Variants in GRAMD2B observed in about 807,000 individuals in gnomAD.
GRAMD2B encodes GRAM domain-containing protein 2B.
A neutral mutation model predicts 59.2 loss-of-function variants in GRAMD2B; 41 were observed. That is an observed-to-expected ratio of 0.69 (90% confidence interval 0.54 to 0.90). The LOEUF is 0.90. GRAMD2B is among the 40% of genes least tolerant of loss of function. The probability of loss-of-function intolerance (pLI) is 0.00; values close to 1 mark genes in which losing one functional copy is unlikely to be tolerated. For missense variants in GRAMD2B, 424 were observed against 500.5 expected, an observed-to-expected ratio of 0.85 and a Z score of 1.46; for synonymous variants, 161 against 182.7, an observed-to-expected ratio of 0.88 and a Z score of 0.96.
At chr5:126,405,120 G>C (rs1758159549) in intron 1 of GRAMD2B, among the ~76,000 whole-genome samples, 1 of 151,828 alleles carries the variant, frequency 6.6e-6, no homozygotes, top group Non-Finnish European at 1.5e-5. Context: ...TCCTGACTAT[G>C]ACTGGGGATG....
At chr5:126,477,451 C>T (rs577644336) in intron 5 of GRAMD2B, among the ~76,000 whole-genome samples, 26 of 152,246 alleles carry the variant, frequency 1.7e-4, no homozygotes, top group African/African-American at 5.8e-4. Context: ...CGTTTCCCAC[C>T]AAGATCTTCA....
intron 13 of GRAMD2B, among the ~76,000 whole-genome samples, chr5:126,490,688 A>T (rs761626816): frequency 1.2e-4 from 18 of 152,208 alleles, no homozygotes; most frequent in Non-Finnish European, 1.9e-4. Context: ...GCAGCTGGGC[A>T]CTAGCGCAGC....
At chr5:126,402,948 T>G (rs957166522) in intron 1 of GRAMD2B, among the ~76,000 whole-genome samples, 30 of 151,972 alleles carry the variant, frequency 2.0e-4, no homozygotes, top group African/African-American at 7.2e-4. Context: ...GATAATTATG[T>G]AGAATGTGAG....
chr5:126,423,501 C>G lies in GRAMD2B; in HGVS notation c.-106C>G, dbSNP rs1036105251. 26 of 1,530,968 alleles carry G rather than the reference C, an allele frequency of 1.7e-5. No homozygotes were observed. In the Admixed American group the frequency reaches 5.5e-4, roughly 32 times the overall value. 94.8% of individuals were successfully genotyped at this position (1,530,968 alleles called of 1,614,324 possible). A position where few individuals can be genotyped will look rare whatever the true frequency, so the allele number is the denominator to read the frequency against. ...GCTGGGCGGAGGGTGCAGGGGAGGGCACGGCGCCGCTTGCTTGGCCTGCGC... is the reference window on the plus strand; with the variant it reads ...GCTGGGCGGAGGGTGCAGGGGAGGGGACGGCGCCGCTTGCTTGGCCTGCGC... On this transcript the variant is annotated 5_prime_UTR_variant, in exon 1 of 14. Coordinates refer to ENST00000285689, the MANE Select transcript of GRAMD2B (RefSeq NM_023927.4).
chr5:126,412,585 CTTTA>C (rs1758906347), intron 1 of GRAMD2B, among the ~76,000 whole-genome samples: 1 of 151,992 alleles, frequency 6.6e-6, no homozygotes, highest in East Asian at 1.9e-4. Flanking sequence ...TTTGTTGTGT[CTTTA>C]CCAGGTTTTG....
chr5:126,362,363 T>C (rs910089572), intron 1 of GRAMD2B, among the ~76,000 whole-genome samples: 2 of 152,222 alleles, frequency 1.3e-5, no homozygotes, highest in African/African-American at 2.4e-5. Flanking sequence ...TAATAGTATA[T>C]GAGCCTTTCA....
At chr5:126,487,595 G>A (rs1773185999) in intron 12 of GRAMD2B, among the ~76,000 whole-genome samples, 1 of 152,180 alleles carries the variant, frequency 6.6e-6, no homozygotes, top group African/African-American at 2.4e-5. Flanking sequence ...GTTAGAAAGT[G>A]TACATTTAGC....
chr5:126,403,516 G>A (rs781550243), intron 1 of GRAMD2B, among the ~76,000 whole-genome samples: 3 of 151,826 alleles, frequency 2.0e-5, no homozygotes, highest in Non-Finnish European at 4.4e-5. Flanking sequence ...TTGAGCACTC[G>A]TAATAGGTAC....
chr5:126,402,484 C>T (rs183049922), intron 1 of GRAMD2B, among the ~76,000 whole-genome samples: 2 of 152,206 alleles, frequency 1.3e-5, no homozygotes, highest in Admixed American at 1.3e-4. Context: ...TGTAATTCTG[C>T]TCTGTCTCTG....
chr5:126,403,383 T>A (rs1757992729), intron 1 of GRAMD2B, among the ~76,000 whole-genome samples: 1 of 152,046 alleles, frequency 6.6e-6, no homozygotes, highest in African/African-American at 2.4e-5. Flanking sequence ...ATATTTGGCA[T>A]CCTAATAATG....
At chr5:126,435,428 A>T (rs902392274) in intron 1 of GRAMD2B, among the ~76,000 whole-genome samples, 2 of 152,154 alleles carry the variant, frequency 1.3e-5, no homozygotes, top group Non-Finnish European at 2.9e-5. Context: ...ATGGGCACTT[A>T]GGGGTCTCCT....
At chr5:126,466,507 C>G (rs2126792666) in intron 2 of GRAMD2B, among the ~76,000 whole-genome samples, 1 of 152,112 alleles carries the variant, frequency 6.6e-6, no homozygotes, top group East Asian at 1.9e-4. Flanking sequence ...CTCACAGCAA[C>G]CTCCGCCTCC....
intron 1 of GRAMD2B, among the ~76,000 whole-genome samples, chr5:126,454,476 G>C (rs13157433): frequency 6.6e-6 from 1 of 152,012 alleles, no homozygotes; most frequent in African/African-American, 2.4e-5. Context: ...AAAAAATCAA[G>C]CTAGTTTGAG....
chr5:126,387,171 A>C (rs1212371657), intron 1 of GRAMD2B, among the ~76,000 whole-genome samples: 2 of 152,104 alleles, frequency 1.3e-5, no homozygotes, highest in Non-Finnish European at 2.9e-5. Context: ...TGATGACCTT[A>C]AGTAAACATG....
intron 1 of GRAMD2B, among the ~76,000 whole-genome samples, chr5:126,397,044 T>C (rs957643324): frequency 6.6e-6 from 1 of 152,194 alleles, no homozygotes. Context: ...GTTTGTTTCT[T>C]GTAAATTTAA....
At chr5:126,422,838 AT>A (rs1336954844), upstream of GRAMD2B, among the ~76,000 whole-genome samples, 1 of 152,084 alleles carries the variant, frequency 6.6e-6, no homozygotes, top group Non-Finnish European at 1.5e-5. Flanking sequence ...TCAAACACCA[AT>A]TTTGATTTTG....
intron 13 of GRAMD2B, among the ~76,000 whole-genome samples, 191 bp from the exon 14 acceptor site, chr5:126,492,724 C>G (rs1774171628): frequency 6.6e-6 from 1 of 151,940 alleles, no homozygotes; most frequent in African/African-American, 2.4e-5. Context: ...CTTTCTTTTT[C>G]CCAAAGAAAA....
intron 1 of GRAMD2B, among the ~76,000 whole-genome samples, chr5:126,376,264 T>A (rs543104099): frequency 1.3e-5 from 2 of 152,206 alleles, no homozygotes; most frequent in South Asian, 4.1e-4. Context: ...AGGACAAAAA[T>A]GAGGCAGAAC....
At chr5:126,467,971 GTACCACCTGAAT>G (rs1768778587) in intron 2 of GRAMD2B, among the ~76,000 whole-genome samples, 1 of 152,146 alleles carries the variant, frequency 6.6e-6, no homozygotes, top group Non-Finnish European at 1.5e-5. Flanking sequence ...TGACACCCAT[GTACCACCTGAAT>G]TACTTCAGAT....
Sources: allele counts gnomAD v4.1 joint callset (sites outside exome capture counted in the v4.1 genomes callset), GRCh38; gene constraint gnomAD v4.1.1; transcripts MANE v1.5; gene names NCBI Gene and HGNC (gene_info 2026-07-23, HGNC 2026-07-21).